CADPS2: variants seen among roughly 807,000 people sequenced by gnomAD.
CADPS2 encodes calcium dependent secretion activator 2.
A neutral mutation model predicts 172.5 loss-of-function variants in CADPS2; 93 were observed. That is an observed-to-expected ratio of 0.54 (90% CI 0.46 to 0.64). The LOEUF (loss-of-function observed/expected upper bound fraction) is 0.64. Ranked by LOEUF, CADPS2 falls within the 30% of genes least tolerant of loss-of-function variation. The probability of loss-of-function intolerance (pLI) is 0.00; values close to 1 mark genes in which losing one functional copy is unlikely to be tolerated. For missense variants in CADPS2, 1,420 were observed against 1,565.9 expected (o/e 0.91, Z 1.57); for synonymous variants, 546 against 555.2 (o/e 0.98, Z 0.23).
chr7:122,524,171 T>C (rs1038724164), intron 8 of CADPS2, among the ~76,000 whole-genome samples: 1 of 152,208 alleles, frequency 6.6e-6, no homozygotes, highest in Admixed American at 6.5e-5. Flanking sequence ...CTTTTATGTG[T>C]CAAACCATAT....
At chr7:122,480,355 T>TTTTTAA (rs71530098) in intron 12 of CADPS2, among the ~76,000 whole-genome samples, 60,039 of 151,570 alleles carry the variant, frequency 0.4, 12,084 homozygotes, top group African/African-American at 0.45. Flanking sequence ...AATAAGCTTC[T>TTTTTAA]GATTTATACT....
intron 6 of CADPS2, among the ~76,000 whole-genome samples, chr7:122,590,714 T>C (rs2070660335): frequency 6.6e-6 from 1 of 151,888 alleles, no homozygotes; most frequent in Admixed American, 6.6e-5. Flanking sequence ...TAAAAAAATT[T>C]ACCTATCTAG....
At chr7:122,878,419 G>C (rs1489772009) in intron 1 of CADPS2, among the ~76,000 whole-genome samples, 1 of 151,880 alleles carries the variant, frequency 6.6e-6, no homozygotes, top group African/African-American at 2.4e-5. Flanking sequence ...TTGGGAGGCC[G>C]AGGTGGGCGG....
At chr7:122,784,600 AT>A (rs1282589237) in intron 1 of CADPS2, among the ~76,000 whole-genome samples, 2 of 152,146 alleles carry the variant, frequency 1.3e-5, no homozygotes, top group Non-Finnish European at 2.9e-5. Context: ...AGATTCTTGG[AT>A]TGTGGTCTAT....
intron 15 of CADPS2, among the ~76,000 whole-genome samples, chr7:122,445,986 G>T (rs1347014785): frequency 6.6e-6 from 1 of 152,130 alleles, no homozygotes; most frequent in Non-Finnish European, 1.5e-5. Context: ...CAGAATCAAT[G>T]CACTACCTAG....
chr7:122,398,233 A>G (rs900032025), intron 20 of CADPS2, among the ~76,000 whole-genome samples: 2 of 152,214 alleles, frequency 1.3e-5, no homozygotes, highest in African/African-American at 2.4e-5. Context: ...AATTTAAACT[A>G]TGATCCAATT....
rs2055917898 is a variant in CADPS2 at position 122,471,384 on chromosome 7, T to C, written c.2177A>G (p.His726Arg). Residue 726 changes from histidine (H) to arginine (R), a missense_variant, in exon 14 of 30, where the codon CAC becomes CGC. Physicochemically the swap from His to Arg is conservative, Grantham distance 29. Transcript: ENST00000449022. ...YSFAFCASHV[H>R]GNRPDGIGTV... Reference sequence around the variant, plus strand: ...TTGCAAGTAAAAATACCTGTTGCCGTGCACATGAGAGGCACAGAATGCAAA... The same window carrying C: ...TTGCAAGTAAAAATACCTGTTGCCGCGCACATGAGAGGCACAGAATGCAAA... The C allele has an allele frequency of 6.2e-7, 1 of 1,611,578 alleles. No individual in the cohort carries two copies. Among genetic ancestry groups the C allele is most frequent in the Admixed American group, 1.7e-5 (1 of 59,610 alleles).
intron 8 of CADPS2, among the ~76,000 whole-genome samples, chr7:122,516,475 C>T (rs1296413631): frequency 1.3e-5 from 2 of 152,038 alleles, no homozygotes; most frequent in Non-Finnish European, 2.9e-5. Context: ...GTTTTGGAGG[C>T]TGCACTGAGC....
At chr7:122,474,057 TA>T (rs75813679) in intron 13 of CADPS2, among the ~76,000 whole-genome samples, 1 of 151,954 alleles carries the variant, frequency 6.6e-6, no homozygotes, top group Admixed American at 6.6e-5. Context: ...ACAGAGGTTT[TA>T]AAAAATCTTT....
intron 3 of CADPS2, among the ~76,000 whole-genome samples, chr7:122,640,059 C>A (rs550545780): frequency 3.3e-5 from 5 of 152,244 alleles, no homozygotes; most frequent in African/African-American, 1.2e-4. Flanking sequence ...AGCTCCGTAC[C>A]CCGATCATTC....
At chr7:122,829,351 G>C (rs1563120880) in intron 1 of CADPS2, among the ~76,000 whole-genome samples, 1 of 152,132 alleles carries the variant, frequency 6.6e-6, no homozygotes, top group Non-Finnish European at 1.5e-5. Context: ...GAATCCAAAA[G>C]GATTAGAAAT....
At chr7:122,420,346 T>G (rs2048400399) in intron 17 of CADPS2, among the ~76,000 whole-genome samples, 1 of 152,212 alleles carries the variant, frequency 6.6e-6, no homozygotes, top group Non-Finnish European at 1.5e-5. Flanking sequence ...GTACCCTGTG[T>G]TCTAGTGAAA....
chr7:122,500,494 G>T (rs2059110226), intron 9 of CADPS2, among the ~76,000 whole-genome samples: 1 of 151,910 alleles, frequency 6.6e-6, no homozygotes, highest in African/African-American at 2.4e-5. Context: ...CATAACAAAT[G>T]ACATTTGATT....
intron 4 of CADPS2, among the ~76,000 whole-genome samples, chr7:122,628,242 T>C (rs2076262654): frequency 6.6e-6 from 1 of 152,202 alleles, no homozygotes; most frequent in African/African-American, 2.4e-5. Context: ...AAAAACATTA[T>C]GTATTAATAT....
At chr7:122,634,694 T>C (rs2076894766) in intron 3 of CADPS2, among the ~76,000 whole-genome samples, 1 of 152,176 alleles carries the variant, frequency 6.6e-6, no homozygotes, top group Non-Finnish European at 1.5e-5. Context: ...TTATTTCTTC[T>C]GCTAGCTTTG....
At chr7:122,786,838 GAA>G (rs34318072) in intron 1 of CADPS2, among the ~76,000 whole-genome samples, 2 of 151,854 alleles carry the variant, frequency 1.3e-5, no homozygotes, top group Non-Finnish European at 2.9e-5. Flanking sequence ...GCTCACACTG[GAA>G]AAAAAGATGT....
intron 25 of CADPS2, among the ~76,000 whole-genome samples, chr7:122,361,593 A>G (rs954599414): frequency 6.6e-6 from 1 of 152,196 alleles, no homozygotes; most frequent in Non-Finnish European, 1.5e-5. Flanking sequence ...GTCACTATAC[A>G]TATGAGACCA....
chr7:122,608,426 G>A (rs1383189382), intron 6 of CADPS2, among the ~76,000 whole-genome samples: 2 of 152,090 alleles, frequency 1.3e-5, no homozygotes, highest in African/African-American at 4.8e-5. Context: ...CTTAAACATT[G>A]TCTCAGTACC....
chr7:122,686,522 CCCT>C (rs766495435), intron 2 of CADPS2, among the ~76,000 whole-genome samples: 4 of 152,224 alleles, frequency 2.6e-5, no homozygotes, highest in African/African-American at 7.2e-5. Context: ...GATTGCTGCC[CCCT>C]CCTCAAGTTT....
Sources: gnomAD v4.1 joint callset for allele counts (sites outside exome capture counted in the v4.1 genomes callset) on GRCh38, gnomAD v4.1.1 for gene constraint, MANE v1.5 for transcripts, NCBI Gene and HGNC (gene_info 2026-07-23, HGNC 2026-07-21) for gene names.